Variants in PEAK1 observed in about 807,000 individuals in gnomAD.
The protein encoded by PEAK1 is inactive tyrosine-protein kinase PEAK1.
PEAK1 carries 54 observed loss-of-function variants against 124.7 expected under a neutral mutation model. The observed-to-expected ratio is 0.43, with a 90% confidence interval of 0.35 to 0.54. The LOEUF is 0.54. PEAK1 is among the 20% of genes least tolerant of loss of function. The pLI is 0.01. For missense variants in PEAK1, 2,046 were observed against 2,134.5 expected (o/e 0.96, Z 0.82); for synonymous variants, 719 against 760.0 (o/e 0.95, Z 0.89).
intron 2 of PEAK1, among the ~76,000 whole-genome samples, chr15:77,312,835 C>T (rs1402747467): frequency 6.6e-6 from 1 of 152,212 alleles, no homozygotes; most frequent in Non-Finnish European, 1.5e-5. Context: ...CTGGCCAGCA[C>T]TGTGTCACAG....
intron 1 of PEAK1, chr15:77,418,654 G>A (rs909560041): frequency 2.0e-6 from 2 of 985,296 alleles, no homozygotes; most frequent in Non-Finnish European, 2.4e-6. Flanking sequence ...TCAGTGAATT[G>A]AGCTATCTAG....
At chr15:77,176,768 GGA>G (rs1362375614) in intron 7 of PEAK1, among the ~76,000 whole-genome samples, 3 of 152,184 alleles carry the variant, frequency 2.0e-5, no homozygotes, top group Non-Finnish European at 4.4e-5. Flanking sequence ...TGCAGCCAAA[GGA>G]GAGAGTCTCT....
chr15:77,304,854 A>G (rs1437539952), intron 2 of PEAK1, among the ~76,000 whole-genome samples: 2 of 152,108 alleles, frequency 1.3e-5, no homozygotes, highest in Non-Finnish European at 2.9e-5. Flanking sequence ...ACTTTCATAT[A>G]CAAATCACCT....
At chr15:77,189,207 A>C (rs1040513426) in intron 6 of PEAK1, among the ~76,000 whole-genome samples, 1 of 152,194 alleles carries the variant, frequency 6.6e-6, no homozygotes, top group Admixed American at 6.5e-5. Flanking sequence ...TCTCAAAAAA[A>C]CAAAACAAAA....
rs141095030 is a variant in PEAK1, at chr15:77,266,655, C to T, written c.-274-14129G>A. On this transcript the variant is annotated intron_variant, in intron 5 of 9. Coordinates refer to ENST00000682557, the MANE Select transcript of PEAK1 (RefSeq NM_001385026.1). ...AGAAAAGACAATCAATGGATACCAA[C>T]ACCAAGATAACAGACATAAGAATTA... Among the ~76,000 whole-genome samples, 310 of 152,272 alleles carry T rather than the reference C, an allele frequency of 2.0e-3. 3 individuals carry two copies. Among genetic ancestry groups the T allele is most frequent in the East Asian group, 2.9e-3 (15 of 5,190 alleles).
At chr15:77,328,115 T>C (rs976993106) in intron 2 of PEAK1, among the ~76,000 whole-genome samples, 1 of 152,168 alleles carries the variant, frequency 6.6e-6, no homozygotes, top group African/African-American at 2.4e-5. Flanking sequence ...GTATACCACA[T>C]GTATTTTAAT....
intron 6 of PEAK1, among the ~76,000 whole-genome samples, chr15:77,204,091 A>T (rs1333244704): frequency 6.6e-6 from 1 of 152,042 alleles, no homozygotes; most frequent in African/African-American, 2.4e-5. Context: ...ACCAATTTAA[A>T]AAGTGTGCAA....
intron 2 of PEAK1, chr15:77,348,922 A>G (rs115294432): frequency 2.3e-4 from 218 of 948,542 alleles, no homozygotes; most frequent in Middle Eastern, 1.1e-3. Flanking sequence ...GATTATAGGC[A>G]TGACTTACCA....
At chr15:77,197,417 A>T (rs979250371) in intron 6 of PEAK1, among the ~76,000 whole-genome samples, 2 of 152,202 alleles carry the variant, frequency 1.3e-5, no homozygotes, top group East Asian at 3.8e-4. Flanking sequence ...GACATAATTG[A>T]AAGTCCAAAA....
intron 5 of PEAK1, among the ~76,000 whole-genome samples, chr15:77,258,170 C>A (rs1350815806): frequency 1.3e-5 from 2 of 152,178 alleles, no homozygotes; most frequent in African/African-American, 4.8e-5. Context: ...GTGATGCCTC[C>A]AGCTTTGTTC....
chr15:77,108,757 T>A lies in PEAK1; in HGVS notation c.*5399A>T. 1 of 152,196 alleles carries A rather than the reference T, an allele frequency of 6.6e-6. No individual in the cohort carries two copies. Among genetic ancestry groups the A allele is most frequent in the East Asian group, 1.9e-4 (1 of 5,196 alleles). 9.4% of individuals were successfully genotyped at this position (152,196 alleles called of 1,614,324 possible). A position where few individuals can be genotyped will look rare whatever the true frequency, so the allele number is the denominator to read the frequency against. ...TGTACTTCTGCTAGGTTAAAAAATGTCCGACCTCTTTTGATTCCCTGAAAC... is the reference window on the plus strand; with the variant it reads ...TGTACTTCTGCTAGGTTAAAAAATGACCGACCTCTTTTGATTCCCTGAAAC... On this transcript the variant is annotated 3_prime_UTR_variant, in exon 10 of 10. Transcript: ENST00000682557.
chr15:77,246,705 T>C (rs917330088), intron 6 of PEAK1, among the ~76,000 whole-genome samples: 1 of 152,052 alleles, frequency 6.6e-6, no homozygotes, highest in Admixed American at 6.6e-5. Flanking sequence ...AATTTTATAA[T>C]TTCAATGTCC....
At chr15:77,252,767 T>A (rs1449519550) in intron 5 of PEAK1, among the ~76,000 whole-genome samples, 1 of 152,180 alleles carries the variant, frequency 6.6e-6, no homozygotes, top group East Asian at 1.9e-4. Flanking sequence ...CCGATGCACT[T>A]GAGATTTTCT....
In PEAK1 at chr15:77,297,043, C is replaced by A. The variant is rs144626703; in HGVS notation, c.-602-10539G>T. 2.0e-5 allele frequency among the ~76,000 whole-genome samples: 3 copies of A among 151,816 alleles called. 1 individual carries two copies. Among genetic ancestry groups the A allele is most frequent in the Non-Finnish European group, 4.4e-5 (3 of 68,030 alleles). ...CAGAAGTAATCAGCTGTAAAATATG[C>A]AGATCTGAAAGGTTCAGACTATGCT... On this transcript the variant is annotated intron_variant, in intron 2 of 9. Coordinates refer to ENST00000682557, the MANE Select transcript of PEAK1 (RefSeq NM_001385026.1).
intron 1 of PEAK1, among the ~76,000 whole-genome samples, chr15:77,371,625 C>T (rs111416121): frequency 0.012 from 1,900 of 152,254 alleles, 35 homozygotes; most frequent in African/African-American, 0.043. Context: ...CAGTGGCTCA[C>T]GCCTGCAATC....
intron 6 of PEAK1, among the ~76,000 whole-genome samples, chr15:77,188,845 C>T (rs775186257): frequency 2.6e-5 from 4 of 152,088 alleles, no homozygotes; most frequent in Non-Finnish European, 5.9e-5. Context: ...AATGTTTTCA[C>T]TCAAGAATAA....
intron 2 of PEAK1, among the ~76,000 whole-genome samples, chr15:77,311,936 C>T (rs1324798604): frequency 6.6e-6 from 1 of 151,962 alleles, no homozygotes; most frequent in Non-Finnish European, 1.5e-5. Flanking sequence ...TTTAAAGTGC[C>T]TTTAGAAAGA....
At chr15:77,241,918 G>A (rs1361827327) in intron 6 of PEAK1, among the ~76,000 whole-genome samples, 1 of 151,952 alleles carries the variant, frequency 6.6e-6, no homozygotes, top group Non-Finnish European at 1.5e-5. Flanking sequence ...CTAATCCGTA[G>A]ATTTAATACA....
chr15:77,346,679 T>G, intron 2 of PEAK1: 1 of 983,828 alleles, frequency 1.0e-6, no homozygotes, highest in Non-Finnish European at 1.2e-6. Flanking sequence ...GCAAAAACAT[T>G]AATTGTATCT....
Sources: allele counts gnomAD v4.1 joint callset (sites outside exome capture counted in the v4.1 genomes callset), GRCh38; gene constraint gnomAD v4.1.1; transcripts MANE v1.5; gene names NCBI Gene and HGNC (gene_info 2026-07-23, HGNC 2026-07-21).